Variants in MTERF4 observed in about 807,000 individuals in gnomAD.
The protein encoded by MTERF4 is transcription termination factor 4, mitochondrial.
MTERF4 carries 17 observed loss-of-function variants against 22.5 expected under a neutral mutation model. That is an observed-to-expected ratio of 0.75 (90% CI 0.52 to 1.13). The LOEUF (loss-of-function observed/expected upper bound fraction) is 1.13. MTERF4 is among the 50% of genes most tolerant of loss of function. The probability of loss-of-function intolerance (pLI) is 0.00; values close to 1 mark genes in which losing one functional copy is unlikely to be tolerated. For missense variants in MTERF4, 420 were observed against 466.8 expected (o/e 0.90, Z 0.92); for synonymous variants, 165 against 175.3 (o/e 0.94, Z 0.47).
the MTERF4 span, chr2:241,048,581 C>T: frequency 6.7e-7 from 1 of 1,501,970 alleles, no homozygotes; most frequent in Non-Finnish European, 9.0e-7. Flanking sequence ...GGAAGTTGGC[C>T]AGGAGCAGGG....
At chr2:241,092,056 C>A (rs1351453510), downstream of MTERF4, 1 of 152,224 alleles carries the variant, frequency 6.6e-6, no homozygotes, top group African/African-American at 2.4e-5. This position sits in a 1 kb window ranked among gnomAD's most constrained non-coding sequence, Gnocchi z 4.6. Flanking sequence ...CCTTCGAGGC[C>A]CAACAAATTG....
At chr2:241,048,438 A>G in the MTERF4 span, 1 of 1,600,444 alleles carries the variant, frequency 6.2e-7, no homozygotes, top group Non-Finnish European at 8.5e-7. Flanking sequence ...GACTGCAGGG[A>G]GAGTGCGTCT....
the MTERF4 span, chr2:241,053,207 G>A: frequency 9.9e-6 from 16 of 1,610,072 alleles, no homozygotes; most frequent in African/African-American, 2.0e-4. Context: ...CGCTTCAACG[G>A]CACGCGGCTG....
At chr2:241,045,223 T>C in the MTERF4 span, among the ~76,000 whole-genome samples, 3 of 152,368 alleles carry the variant, frequency 2.0e-5, no homozygotes, top group East Asian at 5.8e-4. Context: ...AATATGGCAG[T>C]GCTCTCTAAA....
chr2:241,098,142 A>C (rs1403265736), intron 2 of MTERF4, among the ~76,000 whole-genome samples: 1 of 152,122 alleles, frequency 6.6e-6, no homozygotes, highest in Non-Finnish European at 1.5e-5. Context: ...GTTAATTAAA[A>C]TTTTCCTAAC....
downstream of MTERF4, chr2:241,087,470 A>C: frequency 6.2e-7 from 1 of 1,601,812 alleles, no homozygotes; most frequent in Non-Finnish European, 8.5e-7. Flanking sequence ...AGAAGACCCC[A>C]AACAGGTGCC....
rs11277653 is a variant in MTERF4, at chr2:241,096,109, G to GTCATCC, written c.1029_1034dup (p.Glu343_Asp344dup). The stretch of plus-strand genomic sequence containing the variant: ...CCTCATCATTGTCCTCCTCATCATC[G>GTCATCC]TCATCCTCATCCTCATCCAGACTTG... On this transcript the variant is annotated inframe_insertion, in exon 4 of 4. Coordinates refer to ENST00000391980, the MANE Select transcript of MTERF4 (RefSeq NM_182501.4). This position sits in a 1 kb window ranked among gnomAD's most constrained non-coding sequence, Gnocchi z 5.1. 8.1e-6 allele frequency: 13 copies of GTCATCC among 1,612,964 alleles called. No homozygotes were observed. Among genetic ancestry groups the GTCATCC allele is most frequent in the Admixed American group, 6.7e-5 (4 of 59,934 alleles).
chr2:241,093,437 A>G (rs943048358), downstream of MTERF4: 12 of 149,930 alleles, frequency 8.0e-5, no homozygotes, highest in Non-Finnish European at 1.3e-4. Flanking sequence ...AAATGCTAAT[A>G]TGCTCCAGTG....
downstream of MTERF4, chr2:241,082,138 C>CG (rs374369482): frequency 4.9e-5 from 33 of 670,030 alleles, no homozygotes; most frequent in African/African-American, 4.8e-4. Flanking sequence ...TGCAGACCCC[C>CG]GGGCCCTCTC....
the MTERF4 span, among the ~76,000 whole-genome samples, chr2:241,046,935 G>A: frequency 1.3e-5 from 2 of 152,036 alleles, no homozygotes; most frequent in African/African-American, 4.8e-5. Flanking sequence ...ACGAGGTCAG[G>A]AGATCAAGAC....
chr2:241,048,428 G>C, the MTERF4 span: 13 of 1,606,636 alleles, frequency 8.1e-6, no homozygotes, highest in Non-Finnish European at 1.1e-5. Context: ...CATGGGCCTG[G>C]ACTGCAGGGA....
the MTERF4 span, chr2:241,065,502 G>A: frequency 8.1e-6 from 13 of 1,612,856 alleles, no homozygotes; most frequent in Non-Finnish European, 1.0e-5. Context: ...CCTGGCGGCC[G>A]GCAGGGCCTA....
intron 1 of MTERF4, among the ~76,000 whole-genome samples, chr2:241,101,590 A>C (rs1312131498): frequency 6.6e-6 from 1 of 152,226 alleles, no homozygotes; most frequent in Non-Finnish European, 1.5e-5. Flanking sequence ...GCTGCTCTCC[A>C]GCCTCCCCTG....
downstream of MTERF4, chr2:241,071,620 C>T (rs935662728): frequency 6.3e-7 from 1 of 1,586,820 alleles, no homozygotes; most frequent in Admixed American, 1.7e-5. Context: ...GGGAGGACAC[C>T]ACCCTCGGGT....
downstream of MTERF4, among the ~76,000 whole-genome samples, chr2:241,085,874 T>C (rs1354843019): frequency 7.0e-6 from 1 of 143,164 alleles, no homozygotes; most frequent in Non-Finnish European, 1.5e-5. Context: ...TTTTTTTTTT[T>C]TTTTTTTTTT....
At chr2:241,097,178 C>A (rs749954233) in intron 3 of MTERF4, 65 bp downstream of exon 3, 46 of 1,569,890 alleles carry the variant, frequency 2.9e-5, no homozygotes, top group Non-Finnish European at 3.5e-5. Flanking sequence ...CCTGAAACTA[C>A]GCTAATCCCA....
rs1026329104 is a variant in MTERF4 at position 241,099,736 on chromosome 2, G to A, written c.180C>T (p.Ser60=). 3.1e-6 allele frequency: 5 copies of A among 1,614,130 alleles called. No homozygotes were observed. In the South Asian group the frequency reaches 5.5e-5, roughly 18 times the overall value. ...ACTCTGGTTCCTGCACATAGTTATTGGATCTAACACAAGATAACTCCTCAA... is the reference window on the plus strand; with the variant it reads ...ACTCTGGTTCCTGCACATAGTTATTAGATCTAACACAAGATAACTCCTCAA... The part of the protein sequence containing the change: ...GVIEELSCVR[S]NNYVQEPECR... Residue 60 remains serine (S), a synonymous_variant, in exon 2 of 4, where the codon TCC becomes TCT. Coordinates refer to ENST00000391980, the MANE Select transcript of MTERF4 (RefSeq NM_182501.4).
chr2:241,082,000 G>A (rs2063351239), intron 4 of MTERF4, among the ~76,000 whole-genome samples: 1 of 152,188 alleles, frequency 6.6e-6, no homozygotes, highest in Non-Finnish European at 1.5e-5. Context: ...CCCATCACGG[G>A]GGTCAGAACA....
chr2:241,102,186 G>A (rs1201440315), intron 1 of MTERF4, 67 bp downstream of exon 1: 12 of 1,545,612 alleles, frequency 7.8e-6, no homozygotes, highest in Non-Finnish European at 1.0e-5. Flanking sequence ...CGGCGGCCGC[G>A]GTTCCTCTGC....
Sources: gnomAD v4.1 joint callset for allele counts (sites outside exome capture counted in the v4.1 genomes callset) on GRCh38, gnomAD v4.1.1 for gene constraint, Gnocchi (gnomAD v3.1) non-coding constraint, MANE v1.5 for transcripts, NCBI Gene and HGNC (gene_info 2026-07-23, HGNC 2026-07-21) for gene names.